MMP20: variants seen among roughly 807,000 people sequenced by gnomAD.
MMP20 encodes the protein matrix metalloproteinase-20.
In MMP20, 50 loss-of-function variants were observed where a neutral mutation model predicts 51.8. The ratio of observed to expected loss-of-function variants is 0.97; its 90% CI spans 0.77 to 1.22. MMP20 has a LOEUF of 1.22. Among genes scored for constraint, MMP20 ranks in the 50% most tolerant of loss-of-function variants. The probability of loss-of-function intolerance (pLI) is 0.00; values close to 1 mark genes in which losing one functional copy is unlikely to be tolerated. For synonymous variants in MMP20, 244 were observed against 216.2 expected (o/e 1.13, Z -1.13); for missense variants, 663 against 601.4 (o/e 1.10, Z -1.07).
intron 6 of MMP20, among the ~76,000 whole-genome samples, chr11:102,596,129 G>C (rs1413500081): frequency 5.9e-5 from 9 of 152,228 alleles, no homozygotes; most frequent in Admixed American, 3.9e-4. Flanking sequence ...AACGATCAGA[G>C]TGATTGGTGC....
At chr11:102,582,215 T>C (rs1859204363) in intron 8 of MMP20, among the ~76,000 whole-genome samples, 1 of 152,204 alleles carries the variant, frequency 6.6e-6, no homozygotes, top group Non-Finnish European at 1.5e-5. Flanking sequence ...TGCTTAGAAC[T>C]TAGATTTGTT....
intron 9 of MMP20, among the ~76,000 whole-genome samples, chr11:102,577,979 C>A (rs1342925431): frequency 6.6e-6 from 1 of 152,158 alleles, no homozygotes; most frequent in East Asian, 1.9e-4. Flanking sequence ...CACTTCTGAA[C>A]AGTGTCCAGC....
At chr11:102,623,374 C>T (rs1211340871) in intron 1 of MMP20, among the ~76,000 whole-genome samples, 3 of 152,180 alleles carry the variant, frequency 2.0e-5, no homozygotes, top group Non-Finnish European at 4.4e-5. Context: ...TGCCTCCTGT[C>T]AGATCAGCAG....
chr11:102,616,488 A>T (rs895305954), intron 2 of MMP20, among the ~76,000 whole-genome samples: 7 of 152,184 alleles, frequency 4.6e-5, no homozygotes, highest in African/African-American at 1.7e-4. Flanking sequence ...TTTCTTTCTC[A>T]TTAAGCAGGT....
At chr11:102,595,476 A>G (rs979425230) in intron 6 of MMP20, among the ~76,000 whole-genome samples, 2 of 152,256 alleles carry the variant, frequency 1.3e-5, no homozygotes, top group Non-Finnish European at 1.5e-5. Context: ...AAAAGTTAAA[A>G]TCTTACAAAG....
chr11:102,581,485 G>A (rs1181660256), intron 8 of MMP20, among the ~76,000 whole-genome samples: 3 of 152,146 alleles, frequency 2.0e-5, no homozygotes, highest in African/African-American at 7.2e-5. Context: ...TAGGTCTGCT[G>A]GTGTGGTGAG....
At position 102,616,798 on chromosome 11, in the gene MMP20, C is replaced by A; in HGVS notation, c.374+14G>T. ...GTGTTTTTCTCTGAATTTGGAAAGA[C>A]TTGATCTCATTACCTGTATGTCAAA... On this transcript the variant is annotated intron_variant, in intron 2 of 9. Transcript: ENST00000260228. 1 of 1,614,052 alleles carries A rather than the reference C, an allele frequency of 6.2e-7. No homozygotes were observed.
intron 8 of MMP20, among the ~76,000 whole-genome samples, chr11:102,584,145 A>G (rs1308062609): frequency 6.6e-6 from 1 of 152,182 alleles, no homozygotes; most frequent in Non-Finnish European, 1.5e-5. Context: ...GTATATCCTC[A>G]AGAAAGTGGA....
intron 8 of MMP20, among the ~76,000 whole-genome samples, chr11:102,587,091 T>C (rs1481083222): frequency 2.6e-5 from 4 of 152,168 alleles, no homozygotes; most frequent in African/African-American, 7.2e-5. Flanking sequence ...TTTATAGCTA[T>C]AATTTTTTTC....
chr11:102,611,376 A>G (rs1239748144), intron 3 of MMP20, among the ~76,000 whole-genome samples: 2 of 152,342 alleles, frequency 1.3e-5, no homozygotes, highest in East Asian at 3.9e-4. Context: ...GTGAGGATTC[A>G]TGGTAGGATA....
chr11:102,616,154 T>G (rs1364640719), intron 2 of MMP20, among the ~76,000 whole-genome samples: 1 of 152,078 alleles, frequency 6.6e-6, no homozygotes, highest in African/African-American at 2.4e-5. Flanking sequence ...TGAGGGGAGC[T>G]TGGGGCTAAG....
chr11:102,593,494 C>G lies in MMP20; in HGVS notation c.1192G>C (p.Val398Leu). ...PRHVQQIDAA[V>L]YLREPQKTLF... ...GTCTTCTGTGGCTCCCTGAGGTAGA[C>G]AGCAGCATCTATTTGCTGCACGTGC... Residue 398 changes from valine to leucine, a missense_variant, in exon 8 of 10, where the codon GTC becomes CTC. Coordinates refer to ENST00000260228, the MANE Select transcript of MMP20 (RefSeq NM_004771.4). 6.2e-7 allele frequency: 1 copy of G among 1,614,150 alleles called. No individual in the cohort carries two copies. Among genetic ancestry groups the G allele is most frequent in the Non-Finnish European group, 8.5e-7 (1 of 1,179,986 alleles).
intron 6 of MMP20, among the ~76,000 whole-genome samples, chr11:102,595,904 G>C (rs1455506608): frequency 6.6e-6 from 1 of 152,154 alleles, no homozygotes; most frequent in Non-Finnish European, 1.5e-5. Flanking sequence ...TTGGGGACTG[G>C]GAAACTGTAA....
chr11:102,608,870 T>A (rs1247337581), intron 5 of MMP20, 67 bp downstream of exon 5: 3 of 1,525,978 alleles, frequency 2.0e-6, no homozygotes, highest in Non-Finnish European at 2.7e-6. Flanking sequence ...AAATGCACTT[T>A]CTTTAATTCG....
At chr11:102,609,868 A>G (rs1859573147) in intron 4 of MMP20, 37 bp downstream of exon 4, 2 of 1,613,846 alleles carry the variant, frequency 1.2e-6, no homozygotes, top group Non-Finnish European at 1.7e-6. Flanking sequence ...AAGAAGGTAC[A>G]ATATTTTCCA....
Position 102,593,589 on chromosome 11 carries a change from T to C in MMP20, c.1097A>G (p.His366Arg). ...TTGGAATCCTCTTGTTATCCAGTAG[T>C]GGGGACCTGAAAACAGAAATTAAAG... The part of the protein sequence containing the change: ...RGTAYFFKGP[H>R]YWITRGFQMQ... The change falls in exon 8 of 10, where the codon CAC becomes CGC. Residue 366 changes from histidine to arginine, a missense_variant. Transcript: ENST00000260228. The C allele has an allele frequency of 1.2e-6, 2 of 1,614,072 alleles. No homozygotes were observed. The highest frequency in any genetic ancestry group is 1.7e-5 in the Admixed American group (1 of 60,014).
chr11:102,609,296 T>C (rs577786242), intron 4 of MMP20, among the ~76,000 whole-genome samples, 198 bp from the exon 5 acceptor site: 2 of 151,654 alleles, frequency 1.3e-5, no homozygotes, highest in South Asian at 4.2e-4. Flanking sequence ...TAGAAGGGGG[T>C]TGGGGGTGGG....
At chr11:102,610,126 T>G in intron 3 of MMP20, 96 bp from the exon 4 acceptor site, 1 of 1,349,152 alleles carries the variant, frequency 7.4e-7, no homozygotes, top group Non-Finnish European at 1.0e-6. Flanking sequence ...TGAGTAGCAT[T>G]GACACTTAAA....
chr11:102,592,352 T>G (rs1859327589), intron 8 of MMP20, among the ~76,000 whole-genome samples: 1 of 152,184 alleles, frequency 6.6e-6, no homozygotes, highest in Non-Finnish European at 1.5e-5. Context: ...CTTCCAGGGC[T>G]CTCAGTGGCC....
Sources: gnomAD v4.1 joint callset for allele counts (sites outside exome capture counted in the v4.1 genomes callset) on GRCh38, gnomAD v4.1.1 for gene constraint, MANE v1.5 for transcripts, NCBI Gene and HGNC (gene_info 2026-07-23, HGNC 2026-07-21) for gene names.